PKN2: variants seen among roughly 807,000 people sequenced by gnomAD.
PKN2 encodes the protein protein kinase N2.
Under a neutral mutation model 119.1 loss-of-function variants are expected in PKN2, and 38 were observed. The ratio of observed to expected loss-of-function variants is 0.32; its 90% CI spans 0.25 to 0.42. The LOEUF (loss-of-function observed/expected upper bound fraction) is 0.42. Ranked by LOEUF, PKN2 falls within the 10% of genes least tolerant of loss-of-function variation. The probability of loss-of-function intolerance (pLI) is 1.00; values close to 1 mark genes in which losing one functional copy is unlikely to be tolerated. For synonymous variants in PKN2, 390 were observed against 384.9 expected, an observed-to-expected ratio of 1.01 and a Z score of -0.15; for missense variants, 850 against 1,165.1, an observed-to-expected ratio of 0.73 and a Z score of 3.94.
intron 3 of PKN2, among the ~76,000 whole-genome samples, chr1:88,762,715 G>A (rs1365247583): frequency 6.6e-6 from 1 of 152,146 alleles, no homozygotes; most frequent in Non-Finnish European, 1.5e-5. Context: ...ATAGTGATTT[G>A]TTTGACTGAC....
chr1:88,790,114 C>G (rs979783654), intron 8 of PKN2, among the ~76,000 whole-genome samples: 3 of 152,160 alleles, frequency 2.0e-5, no homozygotes, highest in Non-Finnish European at 4.4e-5. Flanking sequence ...TTTCTGGGGC[C>G]TTACATCTTT....
chr1:88,761,720 A>G (rs1557593824), intron 3 of PKN2, among the ~76,000 whole-genome samples: 3 of 151,172 alleles, frequency 2.0e-5, no homozygotes, highest in African/African-American at 4.8e-5. Flanking sequence ...ATTTTATGTT[A>G]TATTTCAAAA....
intron 15 of PKN2, among the ~76,000 whole-genome samples, chr1:88,811,771 A>G (rs1380202869): frequency 6.6e-6 from 1 of 152,186 alleles, no homozygotes; most frequent in African/African-American, 2.4e-5. Flanking sequence ...CATAAAACCA[A>G]TAGTAAATCT....
At position 88,804,917 on chromosome 1, in the gene PKN2, A is replaced by G. The variant is rs1671473175; in HGVS notation, c.1497A>G (p.Gln499=). Residue 499 remains glutamine, a synonymous_variant, in exon 10 of 22, where the codon CAA becomes CAG. Transcript: ENST00000370521. The part of the protein sequence containing the change: ...LQRQKKIFSK[Q]QGKTFLRAPQ... ...GACAAAAGAAAATTTTTTCAAAGCA[A>G]CAAGGTAATTACTAACAATCAAATG... The G allele has an allele frequency of 7.0e-7, 1 of 1,434,382 alleles. No homozygotes were observed. The highest frequency in any genetic ancestry group is 2.3e-5 in the East Asian group (1 of 43,332). 88.9% of individuals were successfully genotyped at this position (1,434,382 alleles called of 1,614,324 possible).
chr1:88,767,984 C>G (rs959365729), intron 3 of PKN2, among the ~76,000 whole-genome samples: 2 of 152,114 alleles, frequency 1.3e-5, no homozygotes, highest in Non-Finnish European at 1.5e-5. Context: ...TGATTGTGTG[C>G]TATTTTATCC....
At chr1:88,763,824 C>T (rs954222918) in intron 3 of PKN2, among the ~76,000 whole-genome samples, 1 of 152,028 alleles carries the variant, frequency 6.6e-6, no homozygotes, top group African/African-American at 2.4e-5. Context: ...AAAGATTATT[C>T]TTAGATCGGT....
At position 88,771,780 on chromosome 1, in the gene PKN2, C is replaced by T. The variant is rs925388968; in HGVS notation, c.886C>T (p.Leu296Phe). Residue 296 changes from leucine (L) to phenylalanine (F), a missense_variant, in exon 6 of 22, where the codon CTT (leucine) becomes TTT (phenylalanine). By Grantham distance (22) the Leu-to-Phe change is conservative. This residue lies in a region of PKN2 where 350 missense variants were observed against 511.1 expected (regional missense o/e 0.68). Transcript: ENST00000370521. ...HPKSRIIIEE[L>F]SLVAASPTLS... ...CAAAAGCAGGATTATTATTGAAGAA[C>T]TTTCACTTGTTGCTGCATCACCAAC... is the stretch of plus-strand genomic sequence containing the variant. 11 of 1,613,840 alleles carry T rather than the reference C, an allele frequency of 6.8e-6. No individual in the cohort carries two copies. The highest frequency in any genetic ancestry group is 1.3e-5 in the African/African-American group (1 of 74,918).
At chr1:88,739,200 A>G (rs979663108) in intron 1 of PKN2, among the ~76,000 whole-genome samples, 1 of 152,132 alleles carries the variant, frequency 6.6e-6, no homozygotes, top group Non-Finnish European at 1.5e-5. Flanking sequence ...CAGGCTGGGC[A>G]CGTGTTTCAT....
Position 88,807,696 on chromosome 1 carries a change from G to A in PKN2, c.2023G>A (p.Glu675Lys). The change falls in exon 15 of 22, where the codon GAA becomes AAA. Residue 675 changes from glutamate (E) to lysine (K), a missense_variant. Transcript: ENST00000370521. ...RGHFGKVLLA[E>K]YKNTNEMFAI... is the part of the protein sequence containing the mutation. ...AATTTTATTTCAGGTGCTTTTAGCT[G>A]AATATAAAAACACAAATGAGATGTT... 1 of 1,593,990 alleles carries A rather than the reference G, an allele frequency of 6.3e-7. No homozygotes were observed. Among genetic ancestry groups the A allele is most frequent in the South Asian group, 1.1e-5 (1 of 87,606 alleles).
intron 6 of PKN2, among the ~76,000 whole-genome samples, chr1:88,778,825 T>C (rs1670212204): frequency 6.6e-6 from 1 of 152,130 alleles, no homozygotes; most frequent in Non-Finnish European, 1.5e-5. Context: ...ACCATTCTCC[T>C]GCCTCAGCCT....
At chr1:88,804,294 T>A in intron 8 of PKN2, 97 bp from the exon 9 acceptor site, 1 of 958,616 alleles carries the variant, frequency 1.0e-6, no homozygotes, top group Non-Finnish European at 1.5e-6. Context: ...TTTTTGTTTA[T>A]TGTATTTGTA....
At chr1:88,732,156 A>G (rs1252716927) in intron 1 of PKN2, among the ~76,000 whole-genome samples, 1 of 152,192 alleles carries the variant, frequency 6.6e-6, no homozygotes, top group Non-Finnish European at 1.5e-5. Flanking sequence ...AGTATAAGAT[A>G]TGATTATAAG....
intron 1 of PKN2, among the ~76,000 whole-genome samples, chr1:88,727,175 CTTT>C (rs1221536358): frequency 1.5e-5 from 2 of 137,674 alleles, no homozygotes; most frequent in Non-Finnish European, 3.2e-5. Flanking sequence ...TAATGACGCT[CTTT>C]TTTTTTTTCA....
intron 7 of PKN2, 119 bp from the exon 8 acceptor site, chr1:88,785,985 A>T: frequency 1.7e-6 from 1 of 595,336 alleles, no homozygotes. Flanking sequence ...TTTAATATTG[A>T]TTATGAAAAA....
Position 88,720,442 on chromosome 1 carries a change from A to G in PKN2, c.49-20546A>G, listed in dbSNP as rs77179567. ...GTCACTTCCCAACCTGTCCGTCTCC[A>G]TGTCTGTTTGTCTCTATTGTTGTCT... On this transcript the variant is annotated intron_variant, in intron 1 of 21. Coordinates refer to ENST00000370521, the MANE Select transcript of PKN2 (RefSeq NM_006256.4). 4.5e-3 allele frequency among the ~76,000 whole-genome samples: 687 copies of G among 152,178 alleles called. 2 individuals are homozygous for G. The highest frequency in any genetic ancestry group is 0.015 in the African/African-American group (643 of 41,524).
At chr1:88,695,125 T>C (rs1308673335) in intron 1 of PKN2, among the ~76,000 whole-genome samples, 2 of 150,626 alleles carry the variant, frequency 1.3e-5, no homozygotes, top group Admixed American at 6.6e-5. Flanking sequence ...AGACTCCATC[T>C]CAAAAAAAAA....
At chr1:88,772,926 G>A (rs548184052) in intron 6 of PKN2, among the ~76,000 whole-genome samples, 4 of 152,172 alleles carry the variant, frequency 2.6e-5, no homozygotes, top group Admixed American at 1.3e-4. Flanking sequence ...CTGTAGAACT[G>A]TCTGTATTTC....
chr1:88,782,134 T>C (rs906599318), intron 6 of PKN2, among the ~76,000 whole-genome samples: 4 of 152,182 alleles, frequency 2.6e-5, no homozygotes, highest in African/African-American at 9.6e-5. Flanking sequence ...TATACATATG[T>C]TAAGTGTATG....
At chr1:88,699,007 CTTTA>C (rs1666655366) in intron 1 of PKN2, among the ~76,000 whole-genome samples, 1 of 152,104 alleles carries the variant, frequency 6.6e-6, no homozygotes, top group South Asian at 2.1e-4. Flanking sequence ...CTTGCACGGA[CTTTA>C]TTTATTGCAT....
Sources: gnomAD v4.1 joint callset for allele counts (sites outside exome capture counted in the v4.1 genomes callset) on GRCh38, gnomAD v4.1.1 for gene constraint, gnomAD v4.1.1 regional missense constraint, MANE v1.5 for transcripts, NCBI Gene and HGNC (gene_info 2026-07-23, HGNC 2026-07-21) for gene names.